The following ANK3 variants were observed in gnomAD, a reference collection of about 807,000 sequenced individuals.
ANK3 encodes the protein ankyrin 3, also known as ankyrin-3.
A neutral mutation model predicts 370.9 loss-of-function variants in ANK3; 57 were observed. The observed-to-expected ratio is 0.15, with a 90% confidence interval of 0.12 to 0.19. The LOEUF is 0.19. Ranked by LOEUF, ANK3 falls within the 10% of genes least tolerant of loss-of-function variation. The probability of loss-of-function intolerance (pLI) is 1.00; values close to 1 mark genes in which losing one functional copy is unlikely to be tolerated. For synonymous variants in ANK3, 1,929 were observed against 1,946.3 expected (o/e 0.99, Z 0.23); for missense variants, 4,439 against 5,302.1 (o/e 0.84, Z 5.06).
At chr10:60,550,295 A>G (rs1481883517) in intron 2 of ANK3, among the ~76,000 whole-genome samples, 1 of 151,942 alleles carries the variant, frequency 6.6e-6, no homozygotes, top group Non-Finnish European at 1.5e-5. Context: ...TGATTAAGAC[A>G]CATAAGCAGC....
intron 1 of ANK3, among the ~76,000 whole-genome samples, chr10:60,305,335 C>A (rs1026680152): frequency 6.6e-6 from 1 of 151,890 alleles, no homozygotes; most frequent in Admixed American, 6.6e-5. Context: ...ATCTTGTAGG[C>A]AGACCTTAGT....
intron 1 of ANK3, among the ~76,000 whole-genome samples, chr10:60,726,498 A>G (rs2079942822): frequency 6.6e-6 from 1 of 152,186 alleles, no homozygotes; most frequent in Non-Finnish European, 1.5e-5. Context: ...TATAATCCTT[A>G]TACAAATATT....
chr10:60,395,572 C>CTTTCT (rs1555367115), intron 2 of ANK3, among the ~76,000 whole-genome samples: 4 of 112,714 alleles, frequency 3.5e-5, no homozygotes, highest in Admixed American at 9.2e-5. Context: ...TTCTTTCTTT[C>CTTTCT]TTTCTTTCTT....
chr10:60,688,487 T>A (rs921361468), intron 1 of ANK3, among the ~76,000 whole-genome samples: 6 of 152,250 alleles, frequency 3.9e-5, no homozygotes, highest in Admixed American at 3.9e-4. Flanking sequence ...AGGATAGATC[T>A]CATGCTAAGT....
chr10:60,222,557 C>T (rs188479082), intron 8 of ANK3, among the ~76,000 whole-genome samples: 54 of 152,264 alleles, frequency 3.5e-4, no homozygotes, highest in Non-Finnish European at 6.6e-4. Context: ...TTTCCTGACA[C>T]ACGGTTCTGA....
At chr10:60,680,226 A>T (rs1469844217) in intron 1 of ANK3, among the ~76,000 whole-genome samples, 1 of 152,196 alleles carries the variant, frequency 6.6e-6, no homozygotes, top group Non-Finnish European at 1.5e-5. Flanking sequence ...TCCCTGCTTT[A>T]AGCCCCTCAG....
chr10:60,619,457 G>C (rs1353337057), intron 1 of ANK3, among the ~76,000 whole-genome samples: 1 of 152,120 alleles, frequency 6.6e-6, no homozygotes, highest in Non-Finnish European at 1.5e-5. Flanking sequence ...AAATTTAGTG[G>C]AATACAATTT....
chr10:60,617,366 T>C (rs2078280399), intron 1 of ANK3, among the ~76,000 whole-genome samples: 1 of 152,102 alleles, frequency 6.6e-6, no homozygotes, highest in South Asian at 2.1e-4. Context: ...GAGTACTTAC[T>C]ACAGTTTTTG....
intron 36 of ANK3, chr10:60,080,326 T>C (rs1309500967): frequency 2.0e-6 from 1 of 505,132 alleles, no homozygotes; most frequent in Admixed American, 3.9e-5. Context: ...TTAATGGCTT[T>C]AAAAACTGTT....
chr10:60,271,050 T>A (rs1036362224), intron 4 of ANK3, among the ~76,000 whole-genome samples: 2 of 152,084 alleles, frequency 1.3e-5, no homozygotes, highest in Non-Finnish European at 2.9e-5. Flanking sequence ...ATTACATCTT[T>A]TCCTACTAAA....
intron 2 of ANK3, among the ~76,000 whole-genome samples, chr10:60,530,582 CTG>C (rs1164435773): frequency 6.6e-6 from 1 of 152,136 alleles, no homozygotes; most frequent in African/African-American, 2.4e-5. Flanking sequence ...GTGGGCGCCT[CTG>C]TAAGTTTGTT....
chr10:60,712,431 T>C (rs1282745169), intron 1 of ANK3, among the ~76,000 whole-genome samples: 1 of 152,174 alleles, frequency 6.6e-6, no homozygotes, highest in African/African-American at 2.4e-5. Flanking sequence ...TATTTGAAAG[T>C]AAACTTGGAT....
At chr10:60,358,326 A>G (rs1018597829) in intron 1 of ANK3, among the ~76,000 whole-genome samples, 1 of 152,164 alleles carries the variant, frequency 6.6e-6, no homozygotes, top group African/African-American at 2.4e-5. Context: ...ATGCAATCAT[A>G]TGTCAGGTAT....
chr10:60,212,196 C>T (rs1591807234), intron 9 of ANK3, among the ~76,000 whole-genome samples: 2 of 152,196 alleles, frequency 1.3e-5, no homozygotes, highest in East Asian at 3.9e-4. Flanking sequence ...TAACATTGGT[C>T]CTTACTGCTC....
chr10:60,279,566 T>C lies in ANK3; in HGVS notation c.188A>G (p.Asn63Ser). 1 of 1,611,554 alleles carries C rather than the reference T, an allele frequency of 6.2e-7. No homozygotes were observed. Among genetic ancestry groups the C allele is most frequent in the South Asian group, 1.1e-5 (1 of 90,324 alleles). The change falls in exon 2 of 44, where the codon AAT (asparagine) becomes AGT (serine). Residue 63 changes from asparagine to serine, a missense_variant. Around this residue, in one of 13 missense-constraint regions of ANK3, gnomAD observed 136 missense variants for 230.5 expected, o/e 0.59. Coordinates refer to ENST00000280772, the MANE Select transcript of ANK3 (RefSeq NM_020987.5). ...HLEKALDYIKNGVDINICNQN... is the reference protein window; with the variant it reads ...HLEKALDYIKSGVDINICNQN... ...ATTGCAAATGTTGATGTCAACTCCA[T>C]TTTTTATGTAGTCGAGGGCCTTTTC... is the stretch of plus-strand genomic sequence containing the variant.
intron 2 of ANK3, among the ~76,000 whole-genome samples, chr10:60,457,527 T>C (rs1288308864): frequency 6.6e-6 from 1 of 152,124 alleles, no homozygotes; most frequent in Non-Finnish European, 1.5e-5. Flanking sequence ...GTTTAGCAAG[T>C]TCCAGTGGTC....
chr10:60,075,013 C>T lies in ANK3; in HGVS notation c.5868G>A (p.Val1956=). Residue 1956 remains valine, a synonymous_variant, in exon 37 of 44, where the codon GTG becomes GTA. Coordinates refer to ENST00000280772, the MANE Select transcript of ANK3 (RefSeq NM_020987.5). ...KIVEKVKEDL[V]KVSEILKKDV... is the part of the protein sequence containing the mutation. ...CCTTTTTAAGGATTTCACTAACTTT[C>T]ACTAAGTCTTCCTTTACTTTCTCTA... 6.2e-7 allele frequency: 1 copy of T among 1,614,002 alleles called. No homozygotes were observed. The highest frequency in any genetic ancestry group is 8.5e-7 in the Non-Finnish European group (1 of 1,179,986).
chr10:60,279,265 C>T (rs536998294), intron 2 of ANK3, 117 bp from the exon 3 acceptor site: 13 of 883,688 alleles, frequency 1.5e-5, no homozygotes, highest in Middle Eastern at 2.7e-4. Context: ...TGCATGTATG[C>T]TGTGCAGGAA....
In ANK3 at chr10:60,512,535, G is replaced by T. The variant is rs1411836675; in HGVS notation, c.96+102651C>A. ...CTGCAGGAGAAAAGAAAATTCTTAA[G>T]CAAAATCAATTATTCACTGCAGTGC... On this transcript the variant is annotated intron_variant, in intron 2 of 43. Coordinates refer to the ANK3 transcript ENST00000373827. Among the ~76,000 whole-genome samples the T allele has an allele frequency of 2.0e-5, 3 of 152,028 alleles. No individual in the cohort carries two copies. The East Asian group carries it at 5.8e-4, about 29-fold the overall frequency.
Sources: allele counts gnomAD v4.1 joint callset (sites outside exome capture counted in the v4.1 genomes callset), GRCh38; gene constraint gnomAD v4.1.1; regional missense constraint gnomAD v4.1.1; transcripts MANE v1.5; gene names NCBI Gene and HGNC (gene_info 2026-07-23, HGNC 2026-07-21).